Variants in ABAT observed in about 807,000 individuals in gnomAD.
The protein encoded by ABAT is 4-aminobutyrate aminotransferase, mitochondrial.
A neutral mutation model predicts 64.6 loss-of-function variants in ABAT; 45 were observed. The observed-to-expected ratio is 0.70, with a 90% confidence interval of 0.55 to 0.89. The LOEUF (loss-of-function observed/expected upper bound fraction) is 0.89. ABAT is among the 40% of genes least tolerant of loss of function. The probability of loss-of-function intolerance (pLI) is 0.00; values close to 1 mark genes in which losing one functional copy is unlikely to be tolerated. For missense variants in ABAT, 633 were observed against 658.4 expected (o/e 0.96, Z 0.42); for synonymous variants, 297 against 250.5 (o/e 1.19, Z -1.75).
At chr16:8,697,213 G>A (rs1162398923) in intron 1 of ABAT, among the ~76,000 whole-genome samples, 2 of 152,196 alleles carry the variant, frequency 1.3e-5, no homozygotes, top group African/African-American at 4.8e-5. Context: ...ACTCATTCCA[G>A]GCAGGGACAC....
chr16:8,706,968 G>A (rs892843357), intron 1 of ABAT, among the ~76,000 whole-genome samples: 2 of 152,124 alleles, frequency 1.3e-5, no homozygotes, highest in Non-Finnish European at 1.5e-5. Flanking sequence ...AGAGCTCTGT[G>A]CCCTCCCGGA....
At position 8,735,778 on chromosome 16, in the gene ABAT, C is replaced by G; in HGVS notation, c.39C>G (p.Ser13Arg). The G allele has an allele frequency of 6.2e-7, 1 of 1,607,976 alleles. No individual in the cohort carries two copies. Among genetic ancestry groups the G allele is most frequent in the Non-Finnish European group, 8.5e-7 (1 of 1,177,574 alleles). Residue 13 changes from serine (S) to arginine (R), a missense_variant, in exon 2 of 16, where the codon AGC (serine) becomes AGG (arginine). By Grantham distance (110) the Ser-to-Arg change is moderately radical (BLOSUM62 -1). Transcript: ENST00000268251. ...SMLLAQRLAC[S>R]FQHSYRLLVP... ...TGCTCGCCCAGCGCCTGGCCTGCAG[C>G]TTCCAGCACAGCTACCGCCTGCTGG...
intron 2 of ABAT, among the ~76,000 whole-genome samples, chr16:8,741,550 G>T (rs1374200447): frequency 1.3e-5 from 2 of 152,214 alleles, no homozygotes; most frequent in Non-Finnish European, 2.9e-5. Context: ...AATTGCTCCA[G>T]ATGATTCCTG....
intron 15 of ABAT, chr16:8,780,854 T>A: frequency 2.9e-6 from 1 of 342,868 alleles, no homozygotes. Flanking sequence ...AAGCAGAGCC[T>A]GTCCCTCCTC....
intron 2 of ABAT, among the ~76,000 whole-genome samples, chr16:8,739,251 C>A (rs1451874287): frequency 6.6e-6 from 1 of 152,192 alleles, no homozygotes; most frequent in Non-Finnish European, 1.5e-5. Flanking sequence ...CCTAAGGAGA[C>A]ACCATGGGAA....
chr16:8,714,153 T>C lies in ABAT; in HGVS notation c.-41-21546T>C, dbSNP rs144236412. On this transcript the variant is annotated intron_variant, in intron 1 of 15. Transcript: ENST00000268251. The stretch of plus-strand genomic sequence containing the variant: ...GGGACAAAATAATGAAAGATGGATA[T>C]AGAAATGATGAGATAAGGAATTGCT... 1.6e-3 allele frequency among the ~76,000 whole-genome samples: 240 copies of C among 152,210 alleles called. 1 individual carries two copies. Among genetic ancestry groups the C allele is most frequent in the African/African-American group, 5.5e-3 (228 of 41,514 alleles).
chr16:8,730,687 G>A (rs908053913), intron 1 of ABAT, among the ~76,000 whole-genome samples: 1 of 152,116 alleles, frequency 6.6e-6, no homozygotes, highest in Non-Finnish European at 1.5e-5. Context: ...GTGGGGCTGG[G>A]TAGAGTTAGG....
chr16:8,714,325 CA>C (rs369847179), intron 1 of ABAT, among the ~76,000 whole-genome samples: 7 of 152,332 alleles, frequency 4.6e-5, no homozygotes, highest in African/African-American at 1.7e-4. Flanking sequence ...CAAACACACA[CA>C]CCCCTTTCTC....
intron 9 of ABAT, 86 bp from the exon 10 acceptor site, chr16:8,768,107 C>T: frequency 1.4e-6 from 2 of 1,395,778 alleles, no homozygotes; most frequent in Non-Finnish European, 1.0e-6. Flanking sequence ...TGATAGATTT[C>T]TGTGTCCCTC....
intron 1 of ABAT, among the ~76,000 whole-genome samples, chr16:8,734,791 C>T (rs142389293): frequency 6.6e-6 from 1 of 152,144 alleles, no homozygotes; most frequent in African/African-American, 2.4e-5. Flanking sequence ...GAAAGATGTA[C>T]AGACAGAAGG....
chr16:8,750,805 T>C (rs2059458341), intron 5 of ABAT, among the ~76,000 whole-genome samples: 1 of 152,160 alleles, frequency 6.6e-6, no homozygotes, highest in Admixed American at 6.5e-5. Context: ...AAACAAAGCA[T>C]AGAAAGGTTT....
intron 14 of ABAT, among the ~76,000 whole-genome samples, chr16:8,777,790 G>T (rs2060310274): frequency 6.6e-6 from 1 of 152,156 alleles, no homozygotes; most frequent in South Asian, 2.1e-4. Context: ...AGACCAAAGT[G>T]AGCCCTTCTT....
At chr16:8,682,582 C>G (rs141354253) in intron 1 of ABAT, among the ~76,000 whole-genome samples, 59 of 145,324 alleles carry the variant, frequency 4.1e-4, no homozygotes, top group Non-Finnish European at 7.4e-4. Context: ...TTTCCATGTT[C>G]TCTAGGAATC....
At position 8,675,627 on chromosome 16, in the gene ABAT, G is replaced by A. The variant is rs543408650; in HGVS notation, c.-42+916G>A. Among the ~76,000 whole-genome samples the A allele has an allele frequency of 6.2e-4, 94 of 152,256 alleles. No homozygotes were observed. The Middle Eastern group carries it at 0.01, about 17-fold the overall frequency. On this transcript the variant is annotated intron_variant, in intron 1 of 15. Coordinates refer to ENST00000268251, the MANE Select transcript of ABAT (RefSeq NM_020686.6). Reference sequence around the variant, plus strand: ...CCTGGCCAAGGTAAGACTAGAGGGGGTTCAGCGAGATTTAGTAAGACTGGA... The same window carrying A: ...CCTGGCCAAGGTAAGACTAGAGGGGATTCAGCGAGATTTAGTAAGACTGGA...
Position 8,748,187 on chromosome 16 carries a change from G to A in ABAT, c.198+50G>A, listed in dbSNP as rs775982623. ...CTTCTGTTGCTTCTTTATCACAATTGAGCTAAAAGACAGATGCTTAATCTG... is the reference window on the plus strand; with the variant it reads ...CTTCTGTTGCTTCTTTATCACAATTAAGCTAAAAGACAGATGCTTAATCTG... On this transcript the variant is annotated intron_variant, in intron 4 of 15. Transcript: ENST00000268251. 5.2e-6 allele frequency: 8 copies of A among 1,543,306 alleles called. No individual in the cohort carries two copies. The East Asian group carries it at 1.1e-4, about 22-fold the overall frequency.
At chr16:8,743,440 T>TAC (rs1406562162) in intron 2 of ABAT, among the ~76,000 whole-genome samples, 1 of 91,080 alleles carries the variant, frequency 1.1e-5, no homozygotes, top group Non-Finnish European at 2.3e-5. Context: ...TATATATATA[T>TAC]ATATACACAC....
At chr16:8,755,269 G>T (rs1340592775) in intron 5 of ABAT, among the ~76,000 whole-genome samples, 1 of 152,102 alleles carries the variant, frequency 6.6e-6, no homozygotes, top group Non-Finnish European at 1.5e-5. Context: ...GGAGGTCCAG[G>T]TGCAACCACA....
chr16:8,775,057 T>A lies in ABAT; in HGVS notation c.1122T>A (p.Ala374=). 1.1e-5 allele frequency: 18 copies of A among 1,614,198 alleles called. No homozygotes were observed. The highest frequency in any genetic ancestry group is 1.5e-5 in the Non-Finnish European group (18 of 1,180,038). ...FFHKEEFRPN[A]PYRIFNTWLG... ...ACAAGGAGGAGTTCAGGCCTAATGC[T>A]GTGAGTTGGAGCCAACCTTCTCTCT... The change falls in exon 13 of 16, where the codon GCT becomes GCA. Residue 374 remains alanine, a splice_region_variant and synonymous_variant. Transcript: ENST00000268251.
chr16:8,743,007 T>TA (rs71152928), intron 2 of ABAT, among the ~76,000 whole-genome samples: 22,108 of 124,166 alleles, frequency 0.18, 2,444 homozygotes, highest in South Asian at 0.28. Context: ...CTCATTTCTT[T>TA]AAAAAAAAAA....
Sources: gnomAD v4.1 joint callset for allele counts (sites outside exome capture counted in the v4.1 genomes callset) on GRCh38, gnomAD v4.1.1 for gene constraint, MANE v1.5 for transcripts, NCBI Gene and HGNC (gene_info 2026-07-23, HGNC 2026-07-21) for gene names.